Variants in ADAMTS17 observed in about 807,000 individuals in gnomAD.
ADAMTS17 encodes the protein A disintegrin and metalloproteinase with thrombospondin motifs 17.
In ADAMTS17, 113 loss-of-function variants were observed where a neutral mutation model predicts 141.5. The ratio of observed to expected loss-of-function variants is 0.80; its 90% confidence interval spans 0.69 to 0.93. ADAMTS17 has a LOEUF of 0.93. Among genes scored for constraint, ADAMTS17 ranks in the 40% least tolerant of loss-of-function variants. ADAMTS17 has a pLI of 0.00. For synonymous variants in ADAMTS17, 768 were observed against 630.6 expected (o/e 1.22, Z -3.27); for missense variants, 1,659 against 1,517.9 (o/e 1.09, Z -1.54).
rs1040305126 is a variant in ADAMTS17, at chr15:100,253,157, A to T, written c.1075+979T>A. Among the ~76,000 whole-genome samples the T allele has an allele frequency of 2.6e-5, 4 of 151,718 alleles. 1 individual carries two copies. The South Asian group carries it at 8.3e-4, about 32-fold the overall frequency. ...ATTTTGATTCTGGCAATGCAATACT[A>T]TATTTCAGCCTCCCGATGAACAAAG... On this transcript the variant is annotated intron_variant, in intron 7 of 21. Coordinates refer to ENST00000268070, the MANE Select transcript of ADAMTS17 (RefSeq NM_139057.4).
rs1300661354 is a variant in ADAMTS17 at position 99,971,554 on chromosome 15, T to G, written c.*2848A>C. On this transcript the variant is annotated 3_prime_UTR_variant, in exon 22 of 22. Coordinates refer to ENST00000268070, the MANE Select transcript of ADAMTS17 (RefSeq NM_139057.4). ...ATGTTTGTCTTCCGTTTTTTTTCCT[T>G]TCAAAACCAGCCCCAAAAAGTAAAA... 6 of 152,252 alleles carry G rather than the reference T, an allele frequency of 3.9e-5. No homozygotes were observed. In the East Asian group the frequency reaches 1.2e-3, roughly 29 times the overall value. 9.4% of individuals were successfully genotyped at this position (152,252 alleles called of 1,614,324 possible). A position where few individuals can be genotyped will look rare whatever the true frequency, so the allele number is the denominator to read the frequency against.
chr15:100,147,393 C>G (rs909477678), intron 10 of ADAMTS17, among the ~76,000 whole-genome samples: 5 of 152,174 alleles, frequency 3.3e-5, no homozygotes, highest in Non-Finnish European at 7.3e-5. Context: ...ATAGAGTGCA[C>G]AAACCTAGAC....
intron 6 of ADAMTS17, among the ~76,000 whole-genome samples, chr15:100,255,301 G>A (rs1270446929): frequency 2.0e-5 from 3 of 152,092 alleles, no homozygotes; most frequent in Non-Finnish European, 1.5e-5. Flanking sequence ...GCCCAGACAC[G>A]GCCCCTCCCA....
intron 12 of ADAMTS17, among the ~76,000 whole-genome samples, chr15:100,121,595 A>G (rs764731520): frequency 6.6e-6 from 1 of 152,146 alleles, no homozygotes; most frequent in Non-Finnish European, 1.5e-5. Context: ...TATCCATGTA[A>G]CTGTCCCTCA....
At chr15:100,326,873 G>T (rs368123090) in intron 3 of ADAMTS17, among the ~76,000 whole-genome samples, 1 of 152,146 alleles carries the variant, frequency 6.6e-6, no homozygotes. Flanking sequence ...GAGGACAGAG[G>T]GTGTCATACA....
chr15:100,277,641 G>A (rs12440650), intron 4 of ADAMTS17, among the ~76,000 whole-genome samples: 18,985 of 152,222 alleles, frequency 0.12, 1,322 homozygotes, highest in East Asian at 0.3. Flanking sequence ...AATGCAGCCC[G>A]TCATTAACCG....
At chr15:100,068,730 T>G (rs923924877) in intron 15 of ADAMTS17, among the ~76,000 whole-genome samples, 1 of 152,036 alleles carries the variant, frequency 6.6e-6, no homozygotes, top group African/African-American at 2.4e-5. Context: ...AGAAAGGATA[T>G]CCACACCAAA....
chr15:100,135,744 C>T (rs1276025616), intron 10 of ADAMTS17, among the ~76,000 whole-genome samples: 1 of 152,076 alleles, frequency 6.6e-6, no homozygotes, highest in African/African-American at 2.4e-5. Flanking sequence ...GAAAAAGACC[C>T]AGTAGAAAAA....
chr15:100,183,758 A>G (rs971215103), intron 8 of ADAMTS17, among the ~76,000 whole-genome samples: 1 of 152,222 alleles, frequency 6.6e-6, no homozygotes, highest in Non-Finnish European at 1.5e-5. Context: ...CTATTGCAGC[A>G]AGCCATCACA....
chr15:100,045,759 T>C (rs916826706), intron 18 of ADAMTS17, among the ~76,000 whole-genome samples: 2 of 152,214 alleles, frequency 1.3e-5, no homozygotes, highest in Non-Finnish European at 2.9e-5. Flanking sequence ...TTTTAGCTAG[T>C]CTCAATGCAA....
intron 15 of ADAMTS17, among the ~76,000 whole-genome samples, chr15:100,085,522 A>G (rs2035042759): frequency 1.3e-5 from 2 of 151,838 alleles, no homozygotes; most frequent in Admixed American, 6.6e-5. Flanking sequence ...GAGAAGAGCG[A>G]CTCCAAGACA....
intron 20 of ADAMTS17, among the ~76,000 whole-genome samples, chr15:99,987,041 A>G (rs1459617810): frequency 6.6e-6 from 1 of 152,094 alleles, no homozygotes; most frequent in East Asian, 1.9e-4. Context: ...GAGGGGCTCC[A>G]TCTTCCCTAG....
At chr15:100,175,845 C>T (rs917026381) in intron 8 of ADAMTS17, among the ~76,000 whole-genome samples, 2 of 151,988 alleles carry the variant, frequency 1.3e-5, no homozygotes, top group Non-Finnish European at 2.9e-5. Context: ...TTCCTCTCTT[C>T]CACACCCTCC....
At chr15:100,125,332 G>A (rs1056135581) in intron 12 of ADAMTS17, among the ~76,000 whole-genome samples, 1 of 152,214 alleles carries the variant, frequency 6.6e-6, no homozygotes, top group Non-Finnish European at 1.5e-5. Context: ...TTATCCATAT[G>A]AATGCCAGAT....
chr15:100,332,946 G>A (rs1353786313), intron 2 of ADAMTS17, among the ~76,000 whole-genome samples: 1 of 152,134 alleles, frequency 6.6e-6, no homozygotes, highest in Non-Finnish European at 1.5e-5. Context: ...CCTGCGTGAG[G>A]AAGGGCCCTG....
intron 6 of ADAMTS17, among the ~76,000 whole-genome samples, chr15:100,257,787 C>A (rs1411513524): frequency 6.6e-6 from 1 of 152,178 alleles, no homozygotes; most frequent in Non-Finnish European, 1.5e-5. Flanking sequence ...ACTATCTTAA[C>A]CATTGAGTGT....
At chr15:100,012,013 T>C (rs917541856) in intron 18 of ADAMTS17, among the ~76,000 whole-genome samples, 1 of 152,234 alleles carries the variant, frequency 6.6e-6, no homozygotes, top group Non-Finnish European at 1.5e-5. Context: ...CCATCAGCAG[T>C]GTAGAAGTGT....
chr15:100,305,188 GA>G (rs142039803), intron 3 of ADAMTS17, among the ~76,000 whole-genome samples: 19 of 146,814 alleles, frequency 1.3e-4, no homozygotes, highest in Admixed American at 2.7e-4. Context: ...GTCAACTATA[GA>G]AAAAAAAAAC....
chr15:100,206,230 T>C (rs1199309134), intron 7 of ADAMTS17, among the ~76,000 whole-genome samples: 2 of 152,226 alleles, frequency 1.3e-5, no homozygotes, highest in East Asian at 1.9e-4. Flanking sequence ...CTTCTAGCAT[T>C]TGGCATTCAG....
Sources: gnomAD v4.1 joint callset for allele counts (sites outside exome capture counted in the v4.1 genomes callset) on GRCh38, gnomAD v4.1.1 for gene constraint, MANE v1.5 for transcripts, NCBI Gene and HGNC (gene_info 2026-07-23, HGNC 2026-07-21) for gene names.